The following FCHSD2 variants were observed in gnomAD, a reference collection of about 807,000 sequenced individuals.
The protein encoded by FCHSD2 is FCH and double SH3 domains 2.
A neutral mutation model predicts 108.1 loss-of-function variants in FCHSD2; 38 were observed. That is an observed-to-expected ratio of 0.35 (90% CI 0.27 to 0.46). FCHSD2 has a LOEUF of 0.46. Ranked by LOEUF, FCHSD2 falls within the 20% of genes least tolerant of loss-of-function variation. The pLI is 1.00. For missense variants in FCHSD2, 751 were observed against 897.8 expected (o/e 0.84, Z 2.09); for synonymous variants, 279 against 314.7 (o/e 0.89, Z 1.20).
chr11:73,009,302 G>A (rs1355749955), intron 4 of FCHSD2, among the ~76,000 whole-genome samples: 2 of 152,064 alleles, frequency 1.3e-5, no homozygotes, highest in Admixed American at 1.3e-4. Context: ...TTTGAGACCA[G>A]CCTGGCCAAC....
intron 2 of FCHSD2, among the ~76,000 whole-genome samples, chr11:73,103,562 GTGTC>G (rs912816003): frequency 6.6e-6 from 1 of 152,094 alleles, no homozygotes; most frequent in African/African-American, 2.4e-5. Flanking sequence ...ATCTACAATT[GTGTC>G]TGTCTTTCTC....
At chr11:72,871,723 C>T (rs1854862635) in intron 12 of FCHSD2, among the ~76,000 whole-genome samples, 1 of 150,868 alleles carries the variant, frequency 6.6e-6, no homozygotes, top group Non-Finnish European at 1.5e-5. Context: ...ATAGCCACTG[C>T]ACTCCAGTGA....
At chr11:72,935,288 A>G (rs1426931748) in intron 8 of FCHSD2, among the ~76,000 whole-genome samples, 4 of 152,132 alleles carry the variant, frequency 2.6e-5, no homozygotes, top group Non-Finnish European at 5.9e-5. Flanking sequence ...CCCCTAAAGT[A>G]AGAACTTTAA....
At chr11:73,021,771 C>A (rs563733061) in intron 3 of FCHSD2, among the ~76,000 whole-genome samples, 1 of 152,102 alleles carries the variant, frequency 6.6e-6, no homozygotes, top group African/African-American at 2.4e-5. Context: ...CAGAAGAATA[C>A]GTCCTTAACC....
At chr11:73,008,198 G>C (rs1228989581) in intron 4 of FCHSD2, among the ~76,000 whole-genome samples, 1 of 151,998 alleles carries the variant, frequency 6.6e-6, no homozygotes, top group African/African-American at 2.4e-5. Flanking sequence ...AATTAGCAGG[G>C]CATGGTGATG....
intron 8 of FCHSD2, chr11:72,940,945 TG>T: frequency 1.3e-6 from 1 of 773,814 alleles, no homozygotes; most frequent in Non-Finnish European, 2.3e-6. Context: ...TGACACCCAA[TG>T]GATCACCAAA....
chr11:72,910,827 T>TAAA (rs34549479), intron 9 of FCHSD2, among the ~76,000 whole-genome samples: 2 of 116,622 alleles, frequency 1.7e-5, no homozygotes, highest in East Asian at 5.2e-4. Context: ...CAATAAATAC[T>TAAA]AAAAAAAAAA....
chr11:72,922,412 T>A (rs1009817682), intron 8 of FCHSD2, among the ~76,000 whole-genome samples: 3 of 151,740 alleles, frequency 2.0e-5, no homozygotes, highest in African/African-American at 7.3e-5. Context: ...AAAAACACAA[T>A]AGAAATATTA....
At chr11:72,976,260 T>A (rs1055506434) in intron 8 of FCHSD2, among the ~76,000 whole-genome samples, 1 of 152,164 alleles carries the variant, frequency 6.6e-6, no homozygotes, top group African/African-American at 2.4e-5. Flanking sequence ...GTCCAAATAC[T>A]TGTATTTAGA....
At chr11:73,092,816 T>C (rs578250873) in intron 2 of FCHSD2, among the ~76,000 whole-genome samples, 1 of 152,138 alleles carries the variant, frequency 6.6e-6, no homozygotes, top group Non-Finnish European at 1.5e-5. Flanking sequence ...GAGTATACAG[T>C]AAAGGATTAA....
In FCHSD2 at chr11:73,001,193, A is replaced by G. The variant is rs1857619177; in HGVS notation, c.243-59T>C. Reference sequence around the variant, plus strand: ...AGGGAACAGGAAGAAAAAGTTGGCTAACCTTTTGCTCACAGGGCAGCACTG... The same window carrying G: ...AGGGAACAGGAAGAAAAAGTTGGCTGACCTTTTGCTCACAGGGCAGCACTG... On this transcript the variant is annotated intron_variant, in intron 4 of 19. Coordinates refer to ENST00000409418, the MANE Select transcript of FCHSD2 (RefSeq NM_014824.3). 8 of 1,509,036 alleles carry G rather than the reference A, an allele frequency of 5.3e-6. No homozygotes were observed. In the East Asian group the frequency reaches 1.8e-4, roughly 34 times the overall value. The allele number at this position is 1,509,036 out of a possible 1,614,324, so 93.5% of individuals were successfully genotyped here. A position where few individuals can be genotyped will look rare whatever the true frequency, so the allele number is the denominator to read the frequency against.
chr11:73,076,532 A>C (rs1052272980), intron 3 of FCHSD2, among the ~76,000 whole-genome samples: 2 of 152,216 alleles, frequency 1.3e-5, no homozygotes, highest in Admixed American at 1.3e-4. Flanking sequence ...CTTTGGGCTC[A>C]GGATAAAAGT....
chr11:72,839,137 C>T (rs953069227), intron 19 of FCHSD2, among the ~76,000 whole-genome samples: 1 of 152,214 alleles, frequency 6.6e-6, no homozygotes, highest in Non-Finnish European at 1.5e-5. Context: ...AAGATCCTAG[C>T]ACATCCTCCA....
intron 13 of FCHSD2, among the ~76,000 whole-genome samples, chr11:72,861,789 G>C (rs1294983143): frequency 1.3e-5 from 2 of 152,090 alleles, no homozygotes; most frequent in Non-Finnish European, 2.9e-5. Context: ...AAATTAGCCA[G>C]GCATGGTGGC....
In FCHSD2 at chr11:72,978,890, T is replaced by A. The variant is rs1229499969; in HGVS notation, c.705+5198A>T. Among the ~76,000 whole-genome samples, 3 of 129,322 alleles carry A rather than the reference T, an allele frequency of 2.3e-5. No homozygotes were observed. The Admixed American group carries it at 2.8e-4, about 12-fold the overall frequency. 84.8% of individuals were successfully genotyped at this position (129,322 alleles called of 152,430 possible). On this transcript the variant is annotated intron_variant, in intron 8 of 19. Transcript: ENST00000409418. ...TTTTTTTTTTGAGATGAAGTCTCAC[T>A]CTGTCACCCAGGCTGGAGTGCAGTG...
chr11:72,923,992 C>A (rs1856025711), intron 8 of FCHSD2, among the ~76,000 whole-genome samples: 1 of 151,852 alleles, frequency 6.6e-6, no homozygotes, highest in Non-Finnish European at 1.5e-5. Flanking sequence ...TTGTAAGAAT[C>A]CTTTATATAT....
Position 72,887,577 on chromosome 11 carries a change from A to G in FCHSD2, c.1042-3T>C. On this transcript the variant is annotated splice_polypyrimidine_tract_variant and splice_region_variant and intron_variant, in intron 11 of 19. Transcript: ENST00000409418. The stretch of plus-strand genomic sequence containing the variant: ...TGACACTCCAGATCATTTAGAACCT[A>G]TTAAAGAAAATGGGACAATAATGAT... 6.6e-7 allele frequency: 1 copy of G among 1,518,406 alleles called. No homozygotes were observed. The highest frequency in any genetic ancestry group is 8.8e-7 in the Non-Finnish European group (1 of 1,130,694). The allele number at this position is 1,518,406 out of a possible 1,614,324, so 94.1% of individuals were successfully genotyped here.
chr11:72,843,035 G>C, intron 16 of FCHSD2, 116 bp downstream of exon 16: 1 of 1,046,872 alleles, frequency 9.6e-7, no homozygotes, highest in Non-Finnish European at 1.4e-6. Flanking sequence ...ATAAAGAAAA[G>C]CATATTATAG....
intron 3 of FCHSD2, among the ~76,000 whole-genome samples, chr11:73,046,420 A>C (rs1858767828): frequency 1.3e-5 from 2 of 152,224 alleles, no homozygotes; most frequent in Non-Finnish European, 2.9e-5. Flanking sequence ...AATATGTCTG[A>C]ATACCAATTT....
Sources: allele counts gnomAD v4.1 joint callset (sites outside exome capture counted in the v4.1 genomes callset), GRCh38; gene constraint gnomAD v4.1.1; transcripts MANE v1.5; gene names NCBI Gene and HGNC (gene_info 2026-07-23, HGNC 2026-07-21).